Variants in YIPF1 observed in about 807,000 individuals in gnomAD.
YIPF1 encodes the protein Yip1 domain family member 1.
Under a neutral mutation model 37.0 loss-of-function variants are expected in YIPF1, and 22 were observed. The observed-to-expected ratio is 0.59, with a 90% CI of 0.42 to 0.85. YIPF1 has a LOEUF of 0.85. Among genes scored for constraint, YIPF1 ranks in the 40% least tolerant of loss-of-function variants. The probability of loss-of-function intolerance (pLI) is 0.00; values close to 1 mark genes in which losing one functional copy is unlikely to be tolerated. For synonymous variants in YIPF1, 128 were observed against 131.9 expected (o/e 0.97, Z 0.21); for missense variants, 355 against 373.1 (o/e 0.95, Z 0.40).
intron 7 of YIPF1, 124 bp downstream of exon 7, chr1:53,871,248 T>C (rs1459901924): frequency 8.1e-6 from 6 of 742,202 alleles, no homozygotes; most frequent in East Asian, 5.0e-5. Context: ...AGTAGATACA[T>C]TGAACCCTAA....
chr1:53,867,037 A>T, intron 7 of YIPF1, 113 bp from the exon 8 acceptor site: 1 of 1,270,634 alleles, frequency 7.9e-7, no homozygotes, highest in Non-Finnish European at 1.1e-6. Flanking sequence ...ACTTCAGTGG[A>T]CCACGGAATC....
chr1:53,876,764 T>A (rs1157112607), intron 6 of YIPF1, among the ~76,000 whole-genome samples: 1 of 152,180 alleles, frequency 6.6e-6, no homozygotes, highest in African/African-American at 2.4e-5. Flanking sequence ...TGAAGTTGGA[T>A]CTGGCATAAG....
At chr1:53,881,244 CAA>C (rs747288925) in intron 4 of YIPF1, among the ~76,000 whole-genome samples, 5 of 96,278 alleles carry the variant, frequency 5.2e-5, no homozygotes, top group Non-Finnish European at 6.2e-5. Context: ...GACTCCATCT[CAA>C]AAAAAAAAAA....
At chr1:53,861,681 G>A (rs1649882605) in intron 9 of YIPF1, among the ~76,000 whole-genome samples, 1 of 131,198 alleles carries the variant, frequency 7.6e-6, no homozygotes, top group African/African-American at 2.8e-5. Flanking sequence ...AGGAAGGAAG[G>A]GAGAGAGAGA....
intron 9 of YIPF1, among the ~76,000 whole-genome samples, chr1:53,864,533 T>A (rs953066813): frequency 1.3e-5 from 2 of 152,132 alleles, no homozygotes; most frequent in African/African-American, 4.8e-5. Flanking sequence ...GATTAATGCA[T>A]TTAATGAGAC....
At chr1:53,853,564 G>C (rs1649647906) in intron 10 of YIPF1, among the ~76,000 whole-genome samples, 1 of 152,202 alleles carries the variant, frequency 6.6e-6, no homozygotes, top group Non-Finnish European at 1.5e-5. Context: ...GGGAGAATGA[G>C]CTAGGCCTTC....
intron 4 of YIPF1, among the ~76,000 whole-genome samples, chr1:53,878,970 C>A (rs1197238113): frequency 6.6e-6 from 1 of 152,134 alleles, no homozygotes; most frequent in East Asian, 1.9e-4. Context: ...GGAGCTTTGG[C>A]AAATCACTAG....
In YIPF1 at chr1:53,877,900, C is replaced by T. The variant is rs146421515; in HGVS notation, c.364+415G>A. Among the ~76,000 whole-genome samples, 342 of 152,346 alleles carry T rather than the reference C, an allele frequency of 2.2e-3. 1 individual carries two copies. The highest frequency in any genetic ancestry group is 4.2e-3 in the Non-Finnish European group (285 of 68,036). ...AACTCCTTGGGCTCAAGCAATCCTC[C>T]TGCCTTGGCCTCCCAAAGTGTTGGG... On this transcript the variant is annotated intron_variant, in intron 6 of 10. Coordinates refer to ENST00000072644, the MANE Select transcript of YIPF1 (RefSeq NM_018982.5).
In YIPF1 at chr1:53,888,934, C is replaced by A. The variant is rs149455230; in HGVS notation, c.4G>T (p.Ala2Ser). The A allele has an allele frequency of 2.8e-5, 44 of 1,596,780 alleles. No individual in the cohort carries two copies. The African/African-American group carries it at 5.7e-4, about 21-fold the overall frequency. The stretch of plus-strand genomic sequence containing the variant: ...TCAAATTGCAAGTCATCTACTGCTG[C>A]CATTCGGCCAGTGAGTCTTCTCCCA... M[A>S]AVDDLQFEEF... is the part of the protein sequence containing the mutation. Residue 2 changes from alanine to serine, a missense_variant, in exon 3 of 11, where the codon GCA (alanine) becomes TCA (serine). By Grantham distance (99) the Ala-to-Ser change is moderately conservative (BLOSUM62 1). Transcript: ENST00000072644.
At chr1:53,866,404 A>G in intron 8 of YIPF1, 22 bp from the exon 9 acceptor site, 1 of 1,609,684 alleles carries the variant, frequency 6.2e-7, no homozygotes, top group Non-Finnish European at 8.5e-7. Flanking sequence ...GAAAAGGAGG[A>G]GCGGGGAGTT....
At chr1:53,866,440 G>C in intron 8 of YIPF1, 58 bp from the exon 9 acceptor site, 2 of 1,561,316 alleles carry the variant, frequency 1.3e-6, no homozygotes, top group Non-Finnish European at 1.7e-6. Context: ...TTCATTCCAG[G>C]CACATATGTT....
At chr1:53,884,929 T>C (rs916278955) in intron 3 of YIPF1, among the ~76,000 whole-genome samples, 5 of 152,190 alleles carry the variant, frequency 3.3e-5, no homozygotes, top group African/African-American at 1.2e-4. Context: ...CTCTCAACTA[T>C]ATGAGCAGTT....
chr1:53,880,279 G>A lies in YIPF1; in HGVS notation c.196-1557C>T, dbSNP rs148774471. On this transcript the variant is annotated intron_variant, in intron 4 of 10. Transcript: ENST00000072644. ...ATACACCGACAACAGGCAAGCAGAGGGCCAAATTATGAATGAACTCTCGTT... is the reference window on the plus strand; with the variant it reads ...ATACACCGACAACAGGCAAGCAGAGAGCCAAATTATGAATGAACTCTCGTT... Among the ~76,000 whole-genome samples, 1,319 of 151,842 alleles carry A rather than the reference G, an allele frequency of 8.7e-3. 26 individuals are homozygous for A. The highest frequency in any genetic ancestry group is 0.03 in the African/African-American group (1,251 of 41,396).
chr1:53,861,285 G>C (rs552375165), intron 9 of YIPF1, among the ~76,000 whole-genome samples: 234 of 152,238 alleles, frequency 1.5e-3, no homozygotes, highest in African/African-American at 5.0e-3. Context: ...TAACTTAAGT[G>C]GGGGATGGGG....
At chr1:53,869,822 C>T (rs2100730069) in intron 7 of YIPF1, among the ~76,000 whole-genome samples, 1 of 151,590 alleles carries the variant, frequency 6.6e-6, no homozygotes, top group Middle Eastern at 3.5e-3. Flanking sequence ...ACATTCATTT[C>T]TGCATTTTCC....
chr1:53,852,776 G>A, intron 10 of YIPF1, among the ~76,000 whole-genome samples: 1 of 127,724 alleles, frequency 7.8e-6, no homozygotes, highest in Non-Finnish European at 1.7e-5. Context: ...TTGGGCAATA[G>A]GGGGCCAAAA....
At chr1:53,869,266 T>A (rs1650114484) in intron 7 of YIPF1, among the ~76,000 whole-genome samples, 1 of 152,086 alleles carries the variant, frequency 6.6e-6, no homozygotes, top group African/African-American at 2.4e-5. Flanking sequence ...TTAACATTTA[T>A]TGCATTAAAC....
chr1:53,873,559 T>C (rs565081736), intron 6 of YIPF1, among the ~76,000 whole-genome samples: 1 of 152,196 alleles, frequency 6.6e-6, no homozygotes, highest in Admixed American at 6.5e-5. Flanking sequence ...AAGCCTGTAG[T>C]CCCAGCTACT....
intron 9 of YIPF1, among the ~76,000 whole-genome samples, chr1:53,863,183 T>A (rs1649928316): frequency 6.6e-6 from 1 of 152,222 alleles, no homozygotes; most frequent in Non-Finnish European, 1.5e-5. Context: ...CAGCCTCTTC[T>A]GTCTCCTCAT....
Sources: allele counts gnomAD v4.1 joint callset (sites outside exome capture counted in the v4.1 genomes callset), GRCh38; gene constraint gnomAD v4.1.1; transcripts MANE v1.5; gene names NCBI Gene and HGNC (gene_info 2026-07-23, HGNC 2026-07-21).